The following ADK variants were observed in gnomAD, a reference collection of about 807,000 sequenced individuals.
ADK encodes adenosine kinase.
Under a neutral mutation model 44.7 loss-of-function variants are expected in ADK, and 24 were observed. The observed-to-expected ratio is 0.54, with a 90% CI of 0.39 to 0.76. The LOEUF is 0.76. Ranked by LOEUF, ADK falls within the 30% of genes least tolerant of loss-of-function variation. The pLI is 0.00. For missense variants in ADK, 321 were observed against 425.1 expected, an observed-to-expected ratio of 0.76 and a Z score of 2.15; for synonymous variants, 128 against 142.6, an observed-to-expected ratio of 0.90 and a Z score of 0.73.
chr10:74,185,861 A>T (rs1216600871), intron 1 of ADK, among the ~76,000 whole-genome samples: 1 of 149,890 alleles, frequency 6.7e-6, no homozygotes, highest in African/African-American at 2.5e-5. Context: ...AAAAAAAAAA[A>T]AAAAGAAACA....
intron 4 of ADK, among the ~76,000 whole-genome samples, chr10:74,334,148 C>G (rs894456549): frequency 6.6e-6 from 1 of 152,012 alleles, no homozygotes; most frequent in Non-Finnish European, 1.5e-5. Flanking sequence ...CCCTGTGTCC[C>G]CTTTGTAGTC....
intron 2 of ADK, among the ~76,000 whole-genome samples, chr10:74,221,132 G>A (rs1390205226): frequency 1.3e-5 from 2 of 150,094 alleles, no homozygotes; most frequent in Non-Finnish European, 3.0e-5. Flanking sequence ...CATTGTCTCA[G>A]CCCAAAATCT....
At chr10:74,266,268 T>C (rs1337300434) in intron 3 of ADK, among the ~76,000 whole-genome samples, 1 of 151,772 alleles carries the variant, frequency 6.6e-6, no homozygotes, top group Admixed American at 6.6e-5. Flanking sequence ...AATAGAAAGA[T>C]CGAAAGGCGG....
chr10:74,655,167 A>G, intron 9 of ADK: 1 of 308,398 alleles, frequency 3.2e-6, no homozygotes, highest in Non-Finnish European at 6.4e-6. Context: ...AGAAGAACCC[A>G]AGGAAGAAGT....
intron 6 of ADK, among the ~76,000 whole-genome samples, chr10:74,398,919 AT>A (rs1843616496): frequency 6.6e-6 from 1 of 152,088 alleles, no homozygotes; most frequent in Non-Finnish European, 1.5e-5. Context: ...GGCAACTTGC[AT>A]TGTGCAGAAA....
At chr10:74,574,417 C>CTGTG (rs1851106398) in intron 7 of ADK, among the ~76,000 whole-genome samples, 1 of 152,146 alleles carries the variant, frequency 6.6e-6, no homozygotes, top group Admixed American at 6.5e-5. Flanking sequence ...GATCTGCCTG[C>CTGTG]CTCAGCCTCC....
chr10:74,200,263 G>T (rs192313761), intron 1 of ADK, among the ~76,000 whole-genome samples: 1 of 147,858 alleles, frequency 6.8e-6, no homozygotes, highest in Non-Finnish European at 1.5e-5. Flanking sequence ...GCAGGTGGAT[G>T]TGCTGAGGTC....
chr10:74,308,713 A>T (rs915819876), intron 3 of ADK, among the ~76,000 whole-genome samples: 2 of 152,210 alleles, frequency 1.3e-5, no homozygotes, highest in Non-Finnish European at 2.9e-5. Flanking sequence ...GATTTTAATC[A>T]CATGTCCTAT....
intron 6 of ADK, among the ~76,000 whole-genome samples, chr10:74,488,335 T>G (rs191948662): frequency 1.3e-5 from 2 of 151,568 alleles, no homozygotes; most frequent in East Asian, 3.9e-4. Context: ...GGTCATAATG[T>G]CTGCAACTTA....
At position 74,498,598 on chromosome 10, in the gene ADK, C is replaced by T. The variant is rs1847778004; in HGVS notation, c.556-26658C>T. On this transcript the variant is annotated intron_variant, in intron 6 of 10. Transcript: ENST00000539909. ...CGTGCAGGTTAGTTACATATGTATA[C>T]ATGTGCCATATTGGTGTGCTGCACC... 2.6e-5 allele frequency among the ~76,000 whole-genome samples: 4 copies of T among 152,184 alleles called. No homozygotes were observed. The South Asian group carries it at 8.3e-4, about 31-fold the overall frequency.
intron 4 of ADK, among the ~76,000 whole-genome samples, chr10:74,354,253 C>T (rs891212133): frequency 6.6e-6 from 1 of 152,146 alleles, no homozygotes; most frequent in Non-Finnish European, 1.5e-5. Flanking sequence ...TTCAGTATAG[C>T]AGATCCTATG....
At chr10:74,427,237 C>T (rs749032521) in intron 6 of ADK, among the ~76,000 whole-genome samples, 1 of 151,948 alleles carries the variant, frequency 6.6e-6, no homozygotes, top group Non-Finnish European at 1.5e-5. Flanking sequence ...CTGGCTCTGT[C>T]GCCCAGGTTG....
intron 3 of ADK, among the ~76,000 whole-genome samples, chr10:74,309,785 ATAAT>A (rs1289144262): frequency 6.6e-6 from 1 of 152,112 alleles, no homozygotes; most frequent in Non-Finnish European, 1.5e-5. Context: ...TAAAGACAAA[ATAAT>A]TATATTGAAT....
chr10:74,259,902 C>T lies in ADK; in HGVS notation c.194+35311C>T, dbSNP rs535932657. Among the ~76,000 whole-genome samples the T allele has an allele frequency of 2.0e-4, 30 of 152,194 alleles. No individual in the cohort carries two copies. The South Asian group carries it at 5.6e-3, about 28-fold the overall frequency. ...ATAAATTAGTAATTCTTTGCTCACT[C>T]GTCTTGTATTCCTTTATAAGAATGT... On this transcript the variant is annotated intron_variant, in intron 3 of 10. Transcript: ENST00000539909.
chr10:74,442,690 A>G (rs1206577971), intron 6 of ADK, among the ~76,000 whole-genome samples: 1 of 152,144 alleles, frequency 6.6e-6, no homozygotes, highest in African/African-American at 2.4e-5. Context: ...TGAAATCAGT[A>G]TGTTGAAGAG....
At chr10:74,698,472 A>C (rs1369606078) in intron 10 of ADK, among the ~76,000 whole-genome samples, 1 of 152,236 alleles carries the variant, frequency 6.6e-6, no homozygotes, top group Non-Finnish European at 1.5e-5. Context: ...TTAAACATAC[A>C]TTCAAAGTCA....
At chr10:74,536,306 T>G (rs1159677056) in intron 7 of ADK, among the ~76,000 whole-genome samples, 2 of 152,108 alleles carry the variant, frequency 1.3e-5, no homozygotes, top group African/African-American at 2.4e-5. Context: ...CCTTTTTTGT[T>G]TAGTGAACCT....
At chr10:74,326,583 C>T (rs750366185) in intron 4 of ADK, among the ~76,000 whole-genome samples, 14 of 151,988 alleles carry the variant, frequency 9.2e-5, no homozygotes, top group Non-Finnish European at 1.2e-4. Context: ...TGTACTCCAG[C>T]CTGGGCAACA....
intron 7 of ADK, among the ~76,000 whole-genome samples, chr10:74,543,930 T>C (rs114186368): frequency 0.01 from 1,529 of 152,214 alleles, 29 homozygotes; most frequent in African/African-American, 0.034. Flanking sequence ...ATACACTCTT[T>C]AGTTTCATTT....
Sources: gnomAD v4.1 joint callset for allele counts (sites outside exome capture counted in the v4.1 genomes callset) on GRCh38, gnomAD v4.1.1 for gene constraint, MANE v1.5 for transcripts, NCBI Gene and HGNC (gene_info 2026-07-23, HGNC 2026-07-21) for gene names.